Variants in LRRC75A observed in about 807,000 individuals in gnomAD.
The protein encoded by LRRC75A is leucine rich repeat containing 75A.
In LRRC75A, 12 loss-of-function variants were observed where a neutral mutation model predicts 26.0. That is an observed-to-expected ratio of 0.46 (90% confidence interval 0.30 to 0.75). The LOEUF (loss-of-function observed/expected upper bound fraction) is 0.75. Among genes scored for constraint, LRRC75A ranks in the 30% least tolerant of loss-of-function variants. The pLI is 0.08. For missense variants in LRRC75A, 410 were observed against 486.6 expected (o/e 0.84, Z 1.48); for synonymous variants, 223 against 219.3 (o/e 1.02, Z -0.15).
At position 16,481,060 on chromosome 17, in the gene LRRC75A, G is replaced by A. The variant is rs539189109; in HGVS notation, c.246+10685C>T. On this transcript the variant is annotated intron_variant, in intron 1 of 3. Coordinates refer to ENST00000470794, the MANE Select transcript of LRRC75A (RefSeq NM_001113567.3). ...AGCAGGTCTTCTCACCAAAGGAGCC[G>A]TGGAACCCCTCCTGCTGCCATTTCC... Among the ~76,000 whole-genome samples, 10 of 152,350 alleles carry A rather than the reference G, an allele frequency of 6.6e-5. No individual in the cohort carries two copies. In the East Asian group the frequency reaches 1.2e-3, roughly 18 times the overall value.
rs113989349 is a variant in LRRC75A at position 16,492,023 on chromosome 17, G to C, written c.-33C>G. ...CCGCCCGCCGGGACTCTCCGCTCTG[G>C]GCCGCGAGGCCGCGTCCCCGCCAAC... is the stretch of plus-strand genomic sequence containing the variant. On this transcript the variant is annotated 5_prime_UTR_variant, in exon 1 of 4. Transcript: ENST00000470794. The C allele has an allele frequency of 8.9e-7, 1 of 1,128,936 alleles. No individual in the cohort carries two copies. Among genetic ancestry groups the C allele is most frequent in the Non-Finnish European group, 1.1e-6 (1 of 924,484 alleles). 69.9% of individuals were successfully genotyped at this position (1,128,936 alleles called of 1,614,324 possible).
At chr17:16,465,648 G>A (rs1310300306) in intron 1 of LRRC75A, among the ~76,000 whole-genome samples, 2 of 152,304 alleles carry the variant, frequency 1.3e-5, no homozygotes, top group South Asian at 2.1e-4. Context: ...AGCTAGTCTA[G>A]GCCATCCCTG....
chr17:16,478,855 G>A (rs973236437), intron 1 of LRRC75A, among the ~76,000 whole-genome samples: 1 of 152,214 alleles, frequency 6.6e-6, no homozygotes, highest in Non-Finnish European at 1.5e-5. Context: ...TAAGTCTGCA[G>A]CTGAGAATCA....
chr17:16,469,268 ATTC>A (rs2093792470), intron 1 of LRRC75A, among the ~76,000 whole-genome samples: 1 of 151,834 alleles, frequency 6.6e-6, no homozygotes. Flanking sequence ...TTTCCTTGCA[ATTC>A]TTATTTTGCT....
chr17:16,448,248 G>T (rs1289862219), intron 2 of LRRC75A: 4 of 408,508 alleles, frequency 9.8e-6, no homozygotes, highest in Non-Finnish European at 1.9e-5. Flanking sequence ...AGTGCCTGCT[G>T]ACCCCCTGGC....
At chr17:16,468,430 A>G (rs8078953) in intron 1 of LRRC75A, among the ~76,000 whole-genome samples, 4,830 of 152,362 alleles carry the variant, frequency 0.032, 249 homozygotes, top group African/African-American at 0.11. Flanking sequence ...TTGAGGACAC[A>G]GGGACAAATA....
chr17:16,486,972 C>T (rs560489059), intron 1 of LRRC75A, among the ~76,000 whole-genome samples: 7 of 152,314 alleles, frequency 4.6e-5, no homozygotes, highest in South Asian at 2.1e-4. Flanking sequence ...AGGTATGCCA[C>T]GAGCCTACAG....
At chr17:16,450,685 G>A (rs1315753236) in intron 2 of LRRC75A, among the ~76,000 whole-genome samples, 1 of 152,248 alleles carries the variant, frequency 6.6e-6, no homozygotes, top group East Asian at 1.9e-4. Flanking sequence ...GGGAAGCAAG[G>A]CGGGTGAAGC....
intron 1 of LRRC75A, among the ~76,000 whole-genome samples, chr17:16,480,589 A>T (rs1363150081): frequency 6.8e-6 from 1 of 146,824 alleles, no homozygotes; most frequent in Non-Finnish European, 1.5e-5. Flanking sequence ...AGATTGCACC[A>T]CTGCACTCTA....
Position 16,477,178 on chromosome 17 carries a change from C to T in LRRC75A, c.246+14567G>A, listed in dbSNP as rs191296382. On this transcript the variant is annotated intron_variant, in intron 1 of 3. Coordinates refer to ENST00000470794, the MANE Select transcript of LRRC75A (RefSeq NM_001113567.3). ...GGGATTACAGGCATAAGCCACCATG[C>T]CTAGCCTCAGATGTTAATCACATCT... Among the ~76,000 whole-genome samples the T allele has an allele frequency of 4.7e-4, 71 of 152,350 alleles. 1 individual carries two copies. The East Asian group carries it at 0.011, about 24-fold the overall frequency.
At chr17:16,472,099 C>G (rs183185882) in intron 1 of LRRC75A, among the ~76,000 whole-genome samples, 98 of 152,138 alleles carry the variant, frequency 6.4e-4, no homozygotes, top group Non-Finnish European at 1.1e-3. Context: ...AAAAATAGTG[C>G]TGAGCTCACT....
intron 1 of LRRC75A, among the ~76,000 whole-genome samples, chr17:16,480,502 G>A (rs994070372): frequency 6.6e-6 from 1 of 152,064 alleles, no homozygotes; most frequent in Non-Finnish European, 1.5e-5. Context: ...GGTGGCATGC[G>A]CCTGTAATCC....
intron 1 of LRRC75A, among the ~76,000 whole-genome samples, chr17:16,476,898 C>T (rs746745702): frequency 9.1e-4 from 138 of 152,154 alleles, no homozygotes; most frequent in Non-Finnish European, 1.8e-3. Context: ...ACCACCACGC[C>T]TGGCTAATTT....
chr17:16,484,562 C>G (rs2093842068), intron 1 of LRRC75A, among the ~76,000 whole-genome samples: 1 of 152,102 alleles, frequency 6.6e-6, no homozygotes, highest in Non-Finnish European at 1.5e-5. Flanking sequence ...CATGGCCCCA[C>G]TCCCCCACCT....
chr17:16,462,343 C>T lies in LRRC75A; in HGVS notation c.290G>A (p.Arg97His), dbSNP rs753525286. The T allele has an allele frequency of 7.4e-6, 12 of 1,614,034 alleles. No individual in the cohort carries two copies. The highest frequency in any genetic ancestry group is 1.1e-5 in the South Asian group (1 of 91,074). Residue 97 changes from arginine (R) to histidine (H), a missense_variant, in exon 2 of 4, where the codon CGC (arginine) becomes CAC (histidine). Physicochemically the swap from Arg to His is conservative, Grantham distance 29 (BLOSUM62 0). Transcript: ENST00000470794. The surrounding 1 kb of genome is among the most constrained non-coding windows in gnomAD (Gnocchi z 4.6). ...CACCAGGTTCCGGAAGCTGGCGTAG[C>T]GATACAGAACGTCGTCTAGCGAGGT... is the stretch of plus-strand genomic sequence containing the variant. ...ESTSLDDVLY[R>H]YASFRNLVDP...
intron 2 of LRRC75A, among the ~76,000 whole-genome samples, chr17:16,453,396 G>A (rs2143016633): frequency 6.6e-6 from 1 of 152,204 alleles, no homozygotes; most frequent in South Asian, 2.1e-4. Context: ...TCACTGCACT[G>A]CCATTGCCAC....
chr17:16,454,009 G>A (rs1048154103), intron 2 of LRRC75A, among the ~76,000 whole-genome samples: 8 of 152,128 alleles, frequency 5.3e-5, no homozygotes, highest in African/African-American at 1.9e-4. Flanking sequence ...GCCTTCCTGG[G>A]TCCCCTCGGC....
rs183910882 is a variant in LRRC75A, at chr17:16,441,697, G to A, written c.*1891C>T. The A allele has an allele frequency of 3.5e-6, 1 of 281,722 alleles. No individual in the cohort carries two copies. The highest frequency in any genetic ancestry group is 9.3e-5 in the East Asian group (1 of 10,808). The allele number at this position is 281,722 out of a possible 1,614,324, so 17.5% of individuals were successfully genotyped here. On this transcript the variant is annotated 3_prime_UTR_variant, in exon 4 of 4. Transcript: ENST00000470794. Reference sequence around the variant, plus strand: ...TAAGCAATCCTCCCACCTTGTAGCTGGGACTACAGCTCACAGCACACCTGG... The same window carrying A: ...TAAGCAATCCTCCCACCTTGTAGCTAGGACTACAGCTCACAGCACACCTGG...
intron 1 of LRRC75A, among the ~76,000 whole-genome samples, chr17:16,470,107 G>A (rs2093798990): frequency 6.6e-6 from 1 of 152,114 alleles, no homozygotes; most frequent in Admixed American, 6.5e-5. Flanking sequence ...TTTCCAGTGT[G>A]CTGAGTGTTT....
Sources: allele counts gnomAD v4.1 joint callset (sites outside exome capture counted in the v4.1 genomes callset), GRCh38; gene constraint gnomAD v4.1.1; non-coding constraint Gnocchi (gnomAD v3.1); transcripts MANE v1.5; gene names NCBI Gene and HGNC (gene_info 2026-07-23, HGNC 2026-07-21).